AMOTL1: variants seen among roughly 807,000 people sequenced by gnomAD.
AMOTL1 encodes the protein angiomotin-like protein 1.
In AMOTL1, 45 loss-of-function variants were observed where a neutral mutation model predicts 102.9. The ratio of observed to expected loss-of-function variants is 0.44; its 90% CI spans 0.34 to 0.56. The LOEUF is 0.56. AMOTL1 is among the 20% of genes least tolerant of loss of function. AMOTL1 has a pLI of 0.01. For missense variants in AMOTL1, 1,114 were observed against 1,225.6 expected (o/e 0.91, Z 1.36); for synonymous variants, 481 against 484.7 (o/e 0.99, Z 0.10).
intron 1 of AMOTL1, among the ~76,000 whole-genome samples, chr11:94,776,063 G>A (rs1288141902): frequency 6.6e-6 from 1 of 152,170 alleles, no homozygotes; most frequent in Non-Finnish European, 1.5e-5. Context: ...GCACGGAAAG[G>A]TCCTCCTGAA....
At chr11:94,732,925 C>G (rs966740913) in intron 2 of AMOTL1, among the ~76,000 whole-genome samples, 2 of 152,192 alleles carry the variant, frequency 1.3e-5, no homozygotes, top group Non-Finnish European at 2.9e-5. Context: ...CTTTCTGAAG[C>G]CTCTCAGGGT....
intron 1 of AMOTL1, among the ~76,000 whole-genome samples, chr11:94,712,991 T>A (rs1017288335): frequency 2.6e-5 from 4 of 152,082 alleles, no homozygotes; most frequent in Middle Eastern, 3.4e-3. Flanking sequence ...TTAATCTATT[T>A]TGAATTAATT....
intron 6 of AMOTL1, among the ~76,000 whole-genome samples, chr11:94,842,021 A>T (rs921977340): frequency 6.6e-6 from 1 of 152,240 alleles, no homozygotes; most frequent in African/African-American, 2.4e-5. Flanking sequence ...TAACAAAAAT[A>T]TTATAACTAT....
chr11:94,872,400 G>A lies in AMOTL1; in HGVS notation c.*1605G>A, dbSNP rs185537725. On this transcript the variant is annotated 3_prime_UTR_variant, in exon 13 of 13. Transcript: ENST00000433060. Reference sequence around the variant, plus strand: ...CTTACTTAGAGGAAGAAAGAAAGGGGGGTACCTCTTCCAAGTACCTTCTAA... The same window carrying A: ...CTTACTTAGAGGAAGAAAGAAAGGGAGGTACCTCTTCCAAGTACCTTCTAA... 3.9e-5 allele frequency: 6 copies of A among 152,324 alleles called. No homozygotes were observed. The highest frequency in any genetic ancestry group is 1.2e-4 in the African/African-American group (5 of 41,550). 9.4% of individuals were successfully genotyped at this position (152,324 alleles called of 1,614,324 possible).
chr11:94,741,052 G>C (rs10400239), intron 3 of AMOTL1: 44,509 of 1,244,304 alleles, frequency 0.036, 3,852 homozygotes, highest in East Asian at 0.28. Flanking sequence ...TGCGAGTTTG[G>C]GGGGCGTCCA....
At chr11:94,859,969 G>T (rs1316741116) in intron 9 of AMOTL1, among the ~76,000 whole-genome samples, 1 of 152,092 alleles carries the variant, frequency 6.6e-6, no homozygotes, top group African/African-American at 2.4e-5. Context: ...TCATAGACAT[G>T]CCAGAAGGTG....
intron 8 of AMOTL1, among the ~76,000 whole-genome samples, chr11:94,855,368 G>T (rs909767818): frequency 6.6e-6 from 1 of 152,176 alleles, no homozygotes; most frequent in Non-Finnish European, 1.5e-5. Flanking sequence ...AGAAAAGGCA[G>T]GTCTGTCTGT....
intron 3 of AMOTL1, among the ~76,000 whole-genome samples, chr11:94,753,720 CA>C (rs1950686309): frequency 6.6e-6 from 1 of 152,170 alleles, no homozygotes. Flanking sequence ...AGTTCCAGAG[CA>C]AGTCACTAGA....
chr11:94,814,628 C>A (rs568438817), intron 3 of AMOTL1, among the ~76,000 whole-genome samples: 1 of 152,192 alleles, frequency 6.6e-6, no homozygotes, highest in South Asian at 2.1e-4. Flanking sequence ...GCCCCTATTA[C>A]GATAAACACG....
chr11:94,712,505 A>G (rs1029718229), intron 1 of AMOTL1, among the ~76,000 whole-genome samples: 1 of 152,094 alleles, frequency 6.6e-6, no homozygotes, highest in Non-Finnish European at 1.5e-5. Context: ...TAAACTAAAG[A>G]GCTTCTGTGC....
chr11:94,755,892 CAG>C (rs1950717976), intron 3 of AMOTL1, among the ~76,000 whole-genome samples: 1 of 152,150 alleles, frequency 6.6e-6, no homozygotes, highest in Non-Finnish European at 1.5e-5. Context: ...ATCCCAAGGA[CAG>C]AGGGCTTTCT....
chr11:94,850,385 A>T, intron 7 of AMOTL1, 126 bp downstream of exon 7: 3 of 1,269,348 alleles, frequency 2.4e-6, no homozygotes, highest in South Asian at 3.4e-5. Context: ...CAGGGGAGGG[A>T]TATGGGAAAC....
chr11:94,776,149 A>C (rs185295040), intron 1 of AMOTL1, among the ~76,000 whole-genome samples: 152 of 152,340 alleles, frequency 1.0e-3, no homozygotes, highest in Non-Finnish European at 1.6e-3. Context: ...TGTCAATGAG[A>C]GGCAGGCAGC....
intron 1 of AMOTL1, among the ~76,000 whole-genome samples, chr11:94,713,760 GTTTCTTCTTCTT>G (rs903162089): frequency 3.5e-4 from 53 of 151,786 alleles, no homozygotes; most frequent in African/African-American, 1.1e-3. Flanking sequence ...TTAGGTCTAG[GTTTCTTCTTCTT>G]TTTCTTCTTC....
At chr11:94,788,483 C>T (rs918062845) in intron 1 of AMOTL1, among the ~76,000 whole-genome samples, 1 of 152,192 alleles carries the variant, frequency 6.6e-6, no homozygotes, top group African/African-American at 2.4e-5. Context: ...GATTAACATC[C>T]TCCTCATTTT....
In AMOTL1 at chr11:94,740,818, T is replaced by C. The variant is rs1288572072; in HGVS notation, c.86-120T>C. On this transcript the variant is annotated intron_variant, in intron 2 of 4. Coordinates refer to the AMOTL1 transcript ENST00000299004. Reference sequence around the variant, plus strand: ...CGCGGGGCCTCCGGCTCAGGGATTCTGAGCGCTGGGAGAGAGAAGCCCGCG... The same window carrying C: ...CGCGGGGCCTCCGGCTCAGGGATTCCGAGCGCTGGGAGAGAGAAGCCCGCG... 5 of 777,274 alleles carry C rather than the reference T, an allele frequency of 6.4e-6. No homozygotes were observed. In the East Asian group the frequency reaches 3.2e-4, roughly 50 times the overall value. The allele number at this position is 777,274 out of a possible 1,614,324, so 48.1% of individuals were successfully genotyped here.
rs565932538 is a variant in AMOTL1 at position 94,709,133 on chromosome 11, T to G, written c.-51+2536T>G. Among the ~76,000 whole-genome samples the G allele has an allele frequency of 2.4e-4, 37 of 152,318 alleles. No individual in the cohort carries two copies. In the South Asian group the frequency reaches 7.5e-3, roughly 31 times the overall value. ...TGTGCCAGCTCCTAGACTGTACAAA[T>G]TCTTTGCTACTCTTCCCACAGGAGT... On this transcript the variant is annotated intron_variant, in intron 1 of 4. Coordinates refer to the AMOTL1 transcript ENST00000299004.
intron 3 of AMOTL1, among the ~76,000 whole-genome samples, chr11:94,818,571 CT>C (rs1410368705): frequency 1.6e-4 from 25 of 152,232 alleles, no homozygotes; most frequent in African/African-American, 5.8e-4. Context: ...ATAAATTTGT[CT>C]TGTGATTTGT....
At chr11:94,758,927 A>T (rs1482128919) in intron 3 of AMOTL1, among the ~76,000 whole-genome samples, 1 of 152,220 alleles carries the variant, frequency 6.6e-6, no homozygotes, top group South Asian at 2.1e-4. Flanking sequence ...AGATGATCAC[A>T]GTCATGTTAC....
Sources: allele counts gnomAD v4.1 joint callset (sites outside exome capture counted in the v4.1 genomes callset), GRCh38; gene constraint gnomAD v4.1.1; transcripts MANE v1.5; gene names NCBI Gene and HGNC (gene_info 2026-07-23, HGNC 2026-07-21).